Variants in DISP1 observed in about 807,000 individuals in gnomAD.
DISP1 encodes the protein dispatched RND transporter family member 1.
A neutral mutation model predicts 37.3 loss-of-function variants in DISP1; 30 were observed. The observed-to-expected ratio is 0.80, with a 90% CI of 0.60 to 1.09. The LOEUF is 1.09. Ranked by LOEUF, DISP1 falls within the 50% of genes least tolerant of loss-of-function variation. DISP1 has a pLI of 0.00. For missense variants in DISP1, 1,598 were observed against 1,879.5 expected (o/e 0.85, Z 2.77); for synonymous variants, 634 against 690.2 (o/e 0.92, Z 1.28).
In DISP1 at chr1:223,002,632, C is replaced by G; in HGVS notation, c.1235C>G (p.Thr412Ser). ...AGAAGAAAGGACCAGCTCAAGTGCA[C>G]CAATGTGCCACGCAAATGTACCAAG... ...AARRKDQLKCTNVPRKCTKYN... is the reference protein window; with the variant it reads ...AARRKDQLKCSNVPRKCTKYN... The change falls in exon 9 of 9, where the codon ACC (threonine) becomes AGC (serine). Residue 412 changes from threonine (T) to serine (S), a missense_variant. Coordinates refer to ENST00000675850, the MANE Select transcript of DISP1 (RefSeq NM_001377229.1). 3 of 1,614,186 alleles carry G rather than the reference C, an allele frequency of 1.9e-6. No homozygotes were observed. The highest frequency in any genetic ancestry group is 2.5e-6 in the Non-Finnish European group (3 of 1,180,034).
At chr1:222,954,922 C>T (rs1345773801) in intron 3 of DISP1, among the ~76,000 whole-genome samples, 1 of 151,366 alleles carries the variant, frequency 6.6e-6, no homozygotes, top group South Asian at 2.1e-4. Flanking sequence ...GGCCTGGAGG[C>T]ACCAGGAACA....
rs201922901 is a variant in DISP1 at position 222,887,495 on chromosome 1, T to G, written c.-158-40935T>G. On this transcript the variant is annotated intron_variant, in intron 1 of 8. Transcript: ENST00000675850. ...ATGTCACATTGTTTTTGTTTTTTTT[T>G]TTTTTTTTTTTTTTGAGACGGAGTC... 4.9e-5 allele frequency among the ~76,000 whole-genome samples: 5 copies of G among 103,086 alleles called. 1 individual carries two copies. Among genetic ancestry groups the G allele is most frequent in the South Asian group, 6.9e-4 (2 of 2,894 alleles). 67.6% of individuals were successfully genotyped at this position (103,086 alleles called of 152,430 possible).
intron 4 of DISP1, among the ~76,000 whole-genome samples, chr1:222,984,532 C>CAT (rs1274985674): frequency 6.9e-6 from 1 of 143,986 alleles, no homozygotes; most frequent in Non-Finnish European, 1.5e-5. Flanking sequence ...TTATATATAA[C>CAT]AGGTTTATAT....
At chr1:222,945,232 C>T (rs1243600864) in intron 3 of DISP1, among the ~76,000 whole-genome samples, 1 of 152,152 alleles carries the variant, frequency 6.6e-6, no homozygotes, top group East Asian at 1.9e-4. Flanking sequence ...ATTTTCCAGA[C>T]TGGCTTTGAG....
At chr1:222,926,595 C>T (rs1673098445) in intron 1 of DISP1, among the ~76,000 whole-genome samples, 1 of 152,040 alleles carries the variant, frequency 6.6e-6, no homozygotes. Context: ...ATGTGTGTTT[C>T]TTTTTAAAGA....
intron 1 of DISP1, among the ~76,000 whole-genome samples, chr1:222,834,728 A>T (rs1666611656): frequency 6.6e-6 from 1 of 152,178 alleles, no homozygotes; most frequent in South Asian, 2.1e-4. Context: ...AGTAGGTTAA[A>T]TATACCCTTC....
chr1:222,978,926 T>A (rs1339326264), intron 3 of DISP1, among the ~76,000 whole-genome samples: 2 of 152,198 alleles, frequency 1.3e-5, no homozygotes, highest in Non-Finnish European at 2.9e-5. Flanking sequence ...TACTGTAGCC[T>A]TGTAGTATAG....
At chr1:222,833,049 T>C (rs898262085) in intron 1 of DISP1, among the ~76,000 whole-genome samples, 10 of 152,182 alleles carry the variant, frequency 6.6e-5, no homozygotes, top group Middle Eastern at 3.4e-3. Context: ...AGGAGGGAAT[T>C]GAGGCAATGG....
In DISP1 at chr1:222,842,023, GCTAA is replaced by G. The variant is rs143390079; in HGVS notation, c.-159+26949_-159+26952del. Among the ~76,000 whole-genome samples, 47 of 152,114 alleles carry G rather than the reference GCTAA, an allele frequency of 3.1e-4. 1 individual carries two copies. The East Asian group carries it at 7.7e-3, about 25-fold the overall frequency. ...TTTGAACCTAGTAATGCCCTTATGT[GCTAA>G]CTATTTTGGTACCTGAGGAACTGGA... is the stretch of plus-strand genomic sequence containing the variant. On this transcript the variant is annotated intron_variant, in intron 1 of 8. Transcript: ENST00000675850.
chr1:222,942,923 G>GCCCTC lies in DISP1; in HGVS notation c.100_101insCCCTC (p.Asp34AlafsTer19). ...GAGTCCCCTCACCCCCTGTGATGGAGACCATGCAGCCCAGCAGCTCACACC... is the reference window on the plus strand; with the variant it reads ...GAGTCCCCTCACCCCCTGTGATGGAGCCCTCACCATGCAGCCCAGCAGCTCACACC... On this transcript the variant is annotated frameshift_variant, in exon 3 of 9. Transcript: ENST00000675850. LOFTEE classifies it high-confidence loss of function. 1 of 1,614,162 alleles carries GCCCTC rather than the reference G, an allele frequency of 6.2e-7. No homozygotes were observed. Among genetic ancestry groups the GCCCTC allele is most frequent in the African/African-American group, 1.3e-5 (1 of 75,030 alleles).
At chr1:222,986,586 G>A (rs1202507747) in intron 4 of DISP1, among the ~76,000 whole-genome samples, 2 of 152,172 alleles carry the variant, frequency 1.3e-5, no homozygotes, top group Non-Finnish European at 2.9e-5. Context: ...AGAACGCCAG[G>A]CAGCATGCCT....
At chr1:222,947,801 T>C (rs985344300) in intron 3 of DISP1, among the ~76,000 whole-genome samples, 1 of 152,164 alleles carries the variant, frequency 6.6e-6, no homozygotes, top group African/African-American at 2.4e-5. Flanking sequence ...AGAAACATTT[T>C]AGGAAATTTC....
Position 222,895,293 on chromosome 1 carries a change from C to A in DISP1, c.-158-33137C>A, listed in dbSNP as rs573336800. Among the ~76,000 whole-genome samples, 6 of 152,288 alleles carry A rather than the reference C, an allele frequency of 3.9e-5. No homozygotes were observed. In the South Asian group the frequency reaches 1.0e-3, roughly 26 times the overall value. On this transcript the variant is annotated intron_variant, in intron 1 of 8. Transcript: ENST00000675850. Reference sequence around the variant, plus strand: ...AAATTCTGAAAGGCTCATTAGGAACCTTTTGTAGACCTTGGTGCTTTTTTG... The same window carrying A: ...AAATTCTGAAAGGCTCATTAGGAACATTTTGTAGACCTTGGTGCTTTTTTG...
chr1:222,888,877 T>A (rs948181294), intron 1 of DISP1, among the ~76,000 whole-genome samples: 1 of 152,054 alleles, frequency 6.6e-6, no homozygotes, highest in Admixed American at 6.6e-5. Flanking sequence ...TTTATTCAGT[T>A]GCTTACTTTT....
chr1:222,979,061 GT>G (rs1309893782), intron 3 of DISP1, among the ~76,000 whole-genome samples: 1 of 152,250 alleles, frequency 6.6e-6, no homozygotes, highest in East Asian at 1.9e-4. Context: ...TGTGAAGAAA[GT>G]CATTGGTAGC....
In DISP1 at chr1:222,943,153, T is replaced by C. The variant is rs1342557480; in HGVS notation, c.330T>C (p.Ser110=). The C allele has an allele frequency of 1.9e-6, 3 of 1,612,284 alleles. No individual in the cohort carries two copies. Among genetic ancestry groups the C allele is most frequent in the Non-Finnish European group, 1.7e-6 (2 of 1,178,436 alleles). ...CHPEAGPAAP[S]ALASCCMQPH... Reference sequence around the variant, plus strand: ...CCGAGGCTGGCCCTGCAGCACCCTCTGCTTTGGCCTCGTGTTGCATGCAGC... The same window carrying C: ...CCGAGGCTGGCCCTGCAGCACCCTCCGCTTTGGCCTCGTGTTGCATGCAGC... The change falls in exon 3 of 9, where the codon TCT becomes TCC. Residue 110 remains serine, a synonymous_variant. Transcript: ENST00000675850.
intron 1 of DISP1, among the ~76,000 whole-genome samples, chr1:222,866,610 T>C (rs1375248566): frequency 6.6e-6 from 1 of 152,186 alleles, no homozygotes; most frequent in Non-Finnish European, 1.5e-5. Context: ...CCCAAAGTGC[T>C]GGGATTACAG....
rs760552910 is a variant in DISP1, at chr1:223,003,882, C to T, written c.2485C>T (p.His829Tyr). The T allele has an allele frequency of 1.1e-5, 18 of 1,614,122 alleles. No individual in the cohort carries two copies. The highest frequency in any genetic ancestry group is 1.5e-5 in the Non-Finnish European group (18 of 1,180,026). The change falls in exon 9 of 9, where the codon CAC becomes TAC. Residue 829 changes from histidine to tyrosine, a missense_variant. Physicochemically the swap from His to Tyr is moderately conservative, Grantham distance 83. Coordinates refer to ENST00000675850, the MANE Select transcript of DISP1 (RefSeq NM_001377229.1). The surrounding 1 kb of genome is among the most constrained non-coding windows in gnomAD (Gnocchi z 4.3). ...ASPASQAWIL[H>Y]FCQKLRNQTF... ...CCCAGCTTCCCAGGCCTGGATTTTG[C>T]ACTTCTGTCAAAAACTGAGAAACCA...
At chr1:222,819,272 G>T (rs1662117284) in intron 1 of DISP1, among the ~76,000 whole-genome samples, 1 of 152,162 alleles carries the variant, frequency 6.6e-6, no homozygotes, top group South Asian at 2.1e-4. Context: ...CTGTGGAATT[G>T]TGAGCCAATT....
Sources: gnomAD v4.1 joint callset for allele counts (sites outside exome capture counted in the v4.1 genomes callset) on GRCh38, gnomAD v4.1.1 for gene constraint, Gnocchi (gnomAD v3.1) non-coding constraint, MANE v1.5 for transcripts, NCBI Gene and HGNC (gene_info 2026-07-23, HGNC 2026-07-21) for gene names.